Variants in DDB1 observed in about 807,000 individuals in gnomAD.
DDB1 encodes damage specific DNA binding protein 1.
In DDB1, 18 loss-of-function variants were observed where a neutral mutation model predicts 133.1. That is an observed-to-expected ratio of 0.14 (90% CI 0.09 to 0.20). DDB1 has a LOEUF of 0.20. DDB1 is among the 10% of genes least tolerant of loss of function. The pLI is 1.00. For missense variants in DDB1, 828 were observed against 1,459.2 expected (o/e 0.57, Z 7.05); for synonymous variants, 580 against 550.5 (o/e 1.05, Z -0.75).
chr11:61,306,328 A>C (rs757501477), intron 21 of DDB1, among the ~76,000 whole-genome samples: 2 of 152,154 alleles, frequency 1.3e-5, no homozygotes, highest in Non-Finnish European at 2.9e-5. Flanking sequence ...GCACTGGAAC[A>C]GGAGGTAGCA....
chr11:61,327,295 C>A (rs1281538719), intron 4 of DDB1, among the ~76,000 whole-genome samples: 2 of 152,128 alleles, frequency 1.3e-5, no homozygotes, highest in Non-Finnish European at 2.9e-5. Flanking sequence ...CACGGCAAAA[C>A]CCCGTCCCTG....
Position 61,303,919 on chromosome 11 carries a change from A to G in DDB1, c.2778T>C (p.Leu926=), listed in dbSNP as rs986305509. 1 of 1,613,862 alleles carries G rather than the reference A, an allele frequency of 6.2e-7. No individual in the cohort carries two copies. Among genetic ancestry groups the G allele is most frequent in the Non-Finnish European group, 8.5e-7 (1 of 1,179,996 alleles). ...AGGCAAGCAGCAGCACTGAGCGCAT[A>G]AGGTCGCCCACCAGGATGAAGTCGC... is the stretch of plus-strand genomic sequence containing the variant. The part of the protein sequence containing the change: ...TKGDFILVGD[L]MRSVLLLAYK... Residue 926 remains leucine (L), a synonymous_variant, in exon 22 of 27, where the codon CTT becomes CTC. Coordinates refer to ENST00000301764, the MANE Select transcript of DDB1 (RefSeq NM_001923.5).
intron 25 of DDB1, chr11:61,301,602 A>C (rs898478501): frequency 2.6e-5 from 4 of 152,264 alleles, no homozygotes; most frequent in African/African-American, 9.7e-5. Flanking sequence ...AAGAAGAAGA[A>C]TAAAAGCAGC....
chr11:61,314,202 T>C lies in DDB1; in HGVS notation c.1598A>G (p.Glu533Gly). The C allele has an allele frequency of 6.2e-7, 1 of 1,602,318 alleles. No individual in the cohort carries two copies. The highest frequency in any genetic ancestry group is 8.5e-7 in the Non-Finnish European group (1 of 1,173,918). The change falls in exon 14 of 27, where the codon GAG becomes GGG. Residue 533 changes from glutamate (E) to glycine (G), a missense_variant. Physicochemically the swap from Glu to Gly is moderately conservative, Grantham distance 98. This residue lies in a region of DDB1 where 396 missense variants were observed against 554.1 expected (regional missense o/e 0.71). Coordinates refer to ENST00000301764, the MANE Select transcript of DDB1 (RefSeq NM_001923.5). ...CAAGCAAGCCACTTCATGTTCCATC[T>C]CTGTGTGGCTGAACAAAGAAGAATA... The part of the protein sequence containing the change: ...PQELRQISHT[E>G]MEHEVACLDI...
At chr11:61,331,979 T>C (rs1856385362) in intron 1 of DDB1, 2 of 312,254 alleles carry the variant, frequency 6.4e-6, no homozygotes, top group Non-Finnish European at 1.2e-5. Context: ...TCATGCCTCT[T>C]GCCCCTCCAA....
At chr11:61,308,344 A>G (rs1855909657) in intron 21 of DDB1, among the ~76,000 whole-genome samples, 1 of 152,160 alleles carries the variant, frequency 6.6e-6, no homozygotes, top group Admixed American at 6.5e-5. Context: ...GTGTATCCAC[A>G]AGACCCTCCC....
chr11:61,303,748 TC>T, intron 22 of DDB1, 116 bp downstream of exon 22: 1 of 810,638 alleles, frequency 1.2e-6, no homozygotes, highest in Non-Finnish European at 1.9e-6. Flanking sequence ...GAATGTCTGC[TC>T]CGGGGAAAAC....
At chr11:61,329,247 GACAA>G (rs1417348741) in intron 4 of DDB1, 112 bp downstream of exon 4, 33 of 959,196 alleles carry the variant, frequency 3.4e-5, no homozygotes, top group Non-Finnish European at 5.0e-5. Context: ...AACATTTCAG[GACAA>G]ACACATTAAA....
chr11:61,304,739 G>A (rs371633873), intron 21 of DDB1, among the ~76,000 whole-genome samples: 91 of 151,870 alleles, frequency 6.0e-4, no homozygotes, highest in Non-Finnish European at 3.5e-4. Flanking sequence ...TTAGCCAAGC[G>A]TGGTGGCGGG....
At chr11:61,326,955 T>C in intron 4 of DDB1, 62 bp from the exon 5 acceptor site, 1 of 1,263,316 alleles carries the variant, frequency 7.9e-7, no homozygotes, top group South Asian at 1.2e-5. Flanking sequence ...TAGAGAGAGG[T>C]GCTGTAAGGA....
In DDB1 at chr11:61,310,436, G is replaced by A; in HGVS notation, c.2278-18C>T. The A allele has an allele frequency of 6.3e-7, 1 of 1,588,540 alleles. No homozygotes were observed. Among genetic ancestry groups the A allele is most frequent in the Non-Finnish European group, 8.6e-7 (1 of 1,168,132 alleles). On this transcript the variant is annotated intron_variant, in intron 18 of 26. Transcript: ENST00000301764. The stretch of plus-strand genomic sequence containing the variant: ...GACAGAGCCTGCAAACAGAGAGAAT[G>A]CACATCATCCTTCTCAAACACAGAA...
chr11:61,327,565 A>T (rs1197220877), intron 4 of DDB1: 1 of 152,356 alleles, frequency 6.6e-6, no homozygotes, highest in Non-Finnish European at 1.5e-5. Flanking sequence ...ATTTTTTTTA[A>T]ATTGATACAA....
At chr11:61,311,680 G>A in intron 18 of DDB1, 104 bp downstream of exon 18, 1 of 996,240 alleles carries the variant, frequency 1.0e-6, no homozygotes, top group Non-Finnish European at 1.5e-6. Flanking sequence ...AGTGGTAACT[G>A]AGACCACACT....
intron 21 of DDB1, among the ~76,000 whole-genome samples, chr11:61,305,399 C>A (rs959335252): frequency 3.3e-5 from 5 of 152,126 alleles, no homozygotes; most frequent in Admixed American, 2.6e-4. Context: ...CCCAGCTACT[C>A]GGGAGGCTGA....
At chr11:61,320,534 CT>C (rs954377451) in intron 10 of DDB1, among the ~76,000 whole-genome samples, 13 of 151,506 alleles carry the variant, frequency 8.6e-5, no homozygotes, top group East Asian at 3.9e-4. Context: ...TTTTCCCATA[CT>C]TTTTTTTTCA....
chr11:61,303,888 G>C lies in DDB1; in HGVS notation c.2809C>G (p.Pro937Ala), dbSNP rs747960230. 7.4e-6 allele frequency: 12 copies of C among 1,613,824 alleles called. No individual in the cohort carries two copies. Among genetic ancestry groups the C allele is most frequent in the Non-Finnish European group, 1.0e-5 (12 of 1,180,010 alleles). ...MRSVLLLAYK[P>A]MEGNFEEIAR... is the part of the protein sequence containing the mutation. ...ACCTCTTCAAAGTTTCCTTCCATGG[G>C]CTTGTAGGCAAGCAGCAGCACTGAG... Residue 937 changes from proline to alanine, a missense_variant, in exon 22 of 27, where the codon CCC (proline) becomes GCC (alanine). Physicochemically the swap from Pro to Ala is conservative, Grantham distance 27. This residue lies in a region of DDB1 where 36 missense variants were observed against 139.9 expected (regional missense o/e 0.26). Coordinates refer to ENST00000301764, the MANE Select transcript of DDB1 (RefSeq NM_001923.5).
chr11:61,322,631 T>C (rs1856201189), intron 8 of DDB1: 1 of 558,286 alleles, frequency 1.8e-6, no homozygotes. Flanking sequence ...CTAGAGTCCA[T>C]GGATGGATTT....
intron 10 of DDB1, among the ~76,000 whole-genome samples, chr11:61,319,439 CT>C (rs367586506): frequency 3.2e-4 from 47 of 145,404 alleles, no homozygotes; most frequent in Middle Eastern, 3.6e-3. Flanking sequence ...CTTTTTTTTT[CT>C]TTTTTTTTTT....
rs756700578 is a variant in DDB1 at position 61,321,563 on chromosome 11, G to A, written c.1225+32C>T. 1.9e-6 allele frequency: 3 copies of A among 1,602,406 alleles called. No homozygotes were observed. In the South Asian group the frequency reaches 3.3e-5, roughly 18 times the overall value. On this transcript the variant is annotated intron_variant, in intron 10 of 26. Coordinates refer to ENST00000301764, the MANE Select transcript of DDB1 (RefSeq NM_001923.5). ...AACAAGGCCAAAGTCCCTCATGTAA[G>A]ATCTACATCCTATGCCCACCAAAAA... is the stretch of plus-strand genomic sequence containing the variant.
Sources: gnomAD v4.1 joint callset for allele counts (sites outside exome capture counted in the v4.1 genomes callset) on GRCh38, gnomAD v4.1.1 for gene constraint, gnomAD v4.1.1 regional missense constraint, MANE v1.5 for transcripts, NCBI Gene and HGNC (gene_info 2026-07-23, HGNC 2026-07-21) for gene names.